OR2H1: variants seen among roughly 807,000 people sequenced by gnomAD.
OR2H1 encodes the protein olfactory receptor family 2 subfamily H member 1.
For missense variants in OR2H1, 380 were observed against 367.3 expected, an observed-to-expected ratio of 1.03 and a Z score of -0.28; for synonymous variants, 155 against 155.2, an observed-to-expected ratio of 1.00 and a Z score of 0.01.
rs1447134494 is a variant in OR2H1 at position 29,462,478 on chromosome 6, G to C, written c.709G>C (p.Gly237Arg). 3.1e-6 allele frequency: 5 copies of C among 1,613,058 alleles called. No individual in the cohort carries two copies. In the South Asian group the frequency reaches 5.5e-5, roughly 18 times the overall value. Reference protein sequence around the residue: ...NSATAWRKAFGTCSSHLTVVT... With the variant: ...NSATAWRKAFRTCSSHLTVVT... ...TGCCACAGCATGGAGAAAGGCCTTTGGGACCTGCTCCTCCCATCTCACTGT... is the reference window on the plus strand; with the variant it reads ...TGCCACAGCATGGAGAAAGGCCTTTCGGACCTGCTCCTCCCATCTCACTGT... Residue 237 changes from glycine (G) to arginine (R), a missense_variant, in exon 4 of 4, where the codon GGG (glycine) becomes CGG (arginine). Gly to Arg is a moderately radical substitution (Grantham distance 125). Coordinates refer to ENST00000377133, the MANE Select transcript of OR2H1 (RefSeq NM_030883.5).
At chr6:29,461,121 T>A (rs945395066) in intron 3 of OR2H1, 1 of 152,190 alleles carries the variant, frequency 6.6e-6, no homozygotes, top group African/African-American at 2.4e-5. Context: ...ATCATAATTT[T>A]TTTAATGGAG....
Position 29,457,951 on chromosome 6 carries a change from G to C in OR2H1, c.-442-503G>C, listed in dbSNP as rs190411728. Among the ~76,000 whole-genome samples, 1,427 of 152,288 alleles carry C rather than the reference G, an allele frequency of 9.4e-3. 12 individuals are homozygous for C. The highest frequency in any genetic ancestry group is 0.026 in the African/African-American group (1,066 of 41,558). On this transcript the variant is annotated intron_variant, in intron 1 of 3. Coordinates refer to ENST00000377133, the MANE Select transcript of OR2H1 (RefSeq NM_030883.5). ...AGCTGTGGCCAATTAGCTGTCTATA[G>C]GTTATGGGGCACCTAGTCTTGGCAG...
Position 29,461,605 on chromosome 6 carries a change from G to T in OR2H1, c.-165G>T. ...AAGGAACAGGGAACGAGAAGGAGCTGCTGGATGACGATAAGCCTGGGAAAG... is the reference window on the plus strand; with the variant it reads ...AAGGAACAGGGAACGAGAAGGAGCTTCTGGATGACGATAAGCCTGGGAAAG... On this transcript the variant is annotated 5_prime_UTR_variant, in exon 4 of 4. Coordinates refer to ENST00000377133, the MANE Select transcript of OR2H1 (RefSeq NM_030883.5). The T allele has an allele frequency of 1.6e-6, 1 of 609,466 alleles. No homozygotes were observed. The allele number at this position is 609,466 out of a possible 1,614,324, so 37.8% of individuals were successfully genotyped here. A position where few individuals can be genotyped will look rare whatever the true frequency, so the allele number is the denominator to read the frequency against.
In OR2H1 at chr6:29,462,819, G is replaced by T. The variant is rs1333225800; in HGVS notation, c.*99G>T. On this transcript the variant is annotated 3_prime_UTR_variant, in exon 4 of 4. Transcript: ENST00000377133. ...CACATACACCTGAGCCACTGTGGTG[G>T]GTCACAGTGTGGCTATGTTATCTAT... 3 of 811,894 alleles carry T rather than the reference G, an allele frequency of 3.7e-6. No homozygotes were observed. Among genetic ancestry groups the T allele is most frequent in the Non-Finnish European group, 2.0e-6 (1 of 512,188 alleles). 50.3% of individuals were successfully genotyped at this position (811,894 alleles called of 1,614,324 possible). A position where few individuals can be genotyped will look rare whatever the true frequency, so the allele number is the denominator to read the frequency against.
intron 3 of OR2H1, among the ~76,000 whole-genome samples, 178 bp downstream of exon 3, chr6:29,460,632 C>T (rs1409148353): frequency 2.0e-5 from 3 of 152,042 alleles, no homozygotes; most frequent in Non-Finnish European, 4.4e-5. Context: ...ATATATACAA[C>T]TCACTGTTCA....
intron 3 of OR2H1, 56 bp from the exon 4 acceptor site, chr6:29,461,439 A>T (rs1787232207): frequency 2.9e-6 from 1 of 345,616 alleles, no homozygotes; most frequent in South Asian, 7.6e-5. Context: ...TGTTGAATTA[A>T]TGAAGATCGG....
chr6:29,459,602 C>T (rs1400750861), intron 2 of OR2H1, among the ~76,000 whole-genome samples: 17 of 152,136 alleles, frequency 1.1e-4, no homozygotes, highest in Non-Finnish European at 2.9e-5. Context: ...TGTGCCATCC[C>T]ATAAAGTCCC....
At chr6:29,457,438 A>T (rs1786522088) in intron 1 of OR2H1, among the ~76,000 whole-genome samples, 1 of 152,226 alleles carries the variant, frequency 6.6e-6, no homozygotes, top group South Asian at 2.1e-4. Context: ...AACACACCAA[A>T]CACAAAGAGT....
In OR2H1 at chr6:29,461,590, G is replaced by A. The variant is rs551705160; in HGVS notation, c.-180G>A. The A allele has an allele frequency of 6.7e-4, 391 of 587,510 alleles. 1 individual carries two copies. Among genetic ancestry groups the A allele is most frequent in the Middle Eastern group, 1.7e-3 (4 of 2,342 alleles). 36.4% of individuals were successfully genotyped at this position (587,510 alleles called of 1,614,324 possible). ...ACAACGTTTGATCAGAAGGAACAGG[G>A]AACGAGAAGGAGCTGCTGGATGACG... On this transcript the variant is annotated 5_prime_UTR_variant, in exon 4 of 4. Coordinates refer to ENST00000377133, the MANE Select transcript of OR2H1 (RefSeq NM_030883.5).
At chr6:29,459,401 C>A (rs1256821228) in intron 2 of OR2H1, among the ~76,000 whole-genome samples, 1 of 152,056 alleles carries the variant, frequency 6.6e-6, no homozygotes, top group Non-Finnish European at 1.5e-5. Context: ...CCATAAAATC[C>A]ATAGATGTGT....
At chr6:29,459,303 G>A (rs1429770427) in intron 2 of OR2H1, among the ~76,000 whole-genome samples, 1 of 152,144 alleles carries the variant, frequency 6.6e-6, no homozygotes, top group Non-Finnish European at 1.5e-5. Flanking sequence ...GATCAGGGAG[G>A]AGAACACAGA....
intron 3 of OR2H1, chr6:29,460,917 C>G (rs1787175981): frequency 6.6e-6 from 1 of 152,116 alleles, no homozygotes; most frequent in East Asian, 1.9e-4. Context: ...TATCAACTCT[C>G]TATTTTGCTA....
chr6:29,462,269 G>T lies in OR2H1; in HGVS notation c.500G>T (p.Cys167Phe). Reference protein sequence around the residue: ...QTPSTLHLPFCPHQQIDDFLC... With the variant: ...QTPSTLHLPFFPHQQIDDFLC... ...CCATCCACCCTCCACTTGCCCTTCT[G>T]TCCCCACCAGCAGATAGATGACTTT... The change falls in exon 4 of 4, where the codon TGT becomes TTT. Residue 167 changes from cysteine (C) to phenylalanine (F), a missense_variant. Coordinates refer to ENST00000377133, the MANE Select transcript of OR2H1 (RefSeq NM_030883.5). The T allele has an allele frequency of 6.2e-7, 1 of 1,613,290 alleles. No homozygotes were observed.
In OR2H1 at chr6:29,462,473, C is replaced by T. The variant is rs933809149; in HGVS notation, c.704C>T (p.Ala235Val). 11 of 1,612,988 alleles carry T rather than the reference C, an allele frequency of 6.8e-6. No homozygotes were observed. The African/African-American group carries it at 1.5e-4, about 22-fold the overall frequency. Reference sequence around the variant, plus strand: ...AACTCTGCCACAGCATGGAGAAAGGCCTTTGGGACCTGCTCCTCCCATCTC... The same window carrying T: ...AACTCTGCCACAGCATGGAGAAAGGTCTTTGGGACCTGCTCCTCCCATCTC... ...RINSATAWRK[A>V]FGTCSSHLTV... Residue 235 changes from alanine (A) to valine (V), a missense_variant, in exon 4 of 4, where the codon GCC (alanine) becomes GTC (valine). Transcript: ENST00000377133.
At chr6:29,458,746 C>G (rs1786821835) in intron 2 of OR2H1, among the ~76,000 whole-genome samples, 177 bp downstream of exon 2, 1 of 152,154 alleles carries the variant, frequency 6.6e-6, no homozygotes, top group Non-Finnish European at 1.5e-5. Context: ...AACTGTCTAG[C>G]AGGGTTCTTT....
chr6:29,462,015 C>A lies in OR2H1; in HGVS notation c.246C>A (p.Asn82Lys), dbSNP rs772920232. ...TTSCVPQMLV[N>K]LWGPKKTISF... Reference sequence around the variant, plus strand: ...GTTGTGTCCCCCAGATGCTGGTCAACCTCTGGGGCCCAAAGAAGACCATCA... The same window carrying A: ...GTTGTGTCCCCCAGATGCTGGTCAAACTCTGGGGCCCAAAGAAGACCATCA... The change falls in exon 4 of 4, where the codon AAC (asparagine) becomes AAA (lysine). Residue 82 changes from asparagine (N) to lysine (K), a missense_variant. Transcript: ENST00000377133. The A allele has an allele frequency of 1.3e-5, 21 of 1,613,384 alleles. No homozygotes were observed. The highest frequency in any genetic ancestry group is 1.6e-4 in the Middle Eastern group (1 of 6,062).
At position 29,461,750 on chromosome 6, in the gene OR2H1, G is replaced by A. The variant is rs756175203; in HGVS notation, c.-20G>A. 3.8e-6 allele frequency: 6 copies of A among 1,592,840 alleles called. No homozygotes were observed. Among genetic ancestry groups the A allele is most frequent in the African/African-American group, 1.3e-5 (1 of 74,614 alleles). On this transcript the variant is annotated 5_prime_UTR_variant, in exon 4 of 4. Coordinates refer to ENST00000377133, the MANE Select transcript of OR2H1 (RefSeq NM_030883.5). The stretch of plus-strand genomic sequence containing the variant: ...CTGGGGTGACAGCCTCATCCCTCCA[G>A]GTACAAACAAGAACAGGCCATGGTT...
chr6:29,462,125 A>C lies in OR2H1; in HGVS notation c.356A>C (p.Asp119Ala). ...ECILLTVMAF[D>A]RYVAVCQPLH... Reference sequence around the variant, plus strand: ...ATCCTCCTGACAGTGATGGCCTTTGACCGATACGTGGCTGTCTGCCAGCCC... The same window carrying C: ...ATCCTCCTGACAGTGATGGCCTTTGCCCGATACGTGGCTGTCTGCCAGCCC... Residue 119 changes from aspartate to alanine, a missense_variant, in exon 4 of 4, where the codon GAC becomes GCC. Coordinates refer to ENST00000377133, the MANE Select transcript of OR2H1 (RefSeq NM_030883.5). The C allele has an allele frequency of 6.2e-7, 1 of 1,613,512 alleles. No homozygotes were observed. Among genetic ancestry groups the C allele is most frequent in the Non-Finnish European group, 8.5e-7 (1 of 1,179,994 alleles).
chr6:29,462,701 A>T lies in OR2H1; in HGVS notation c.932A>T (p.Glu311Val), dbSNP rs1036329029. The change falls in exon 4 of 4, where the codon GAA becomes GTA. Residue 311 changes from glutamate (E) to valine (V), a missense_variant. Transcript: ENST00000377133. ...CTAGGGAAGGAAAGAGACTCCAGGG[A>T]AAGCTGGAGAGCTGCTTAATATACT... The part of the protein sequence containing the change: ...RLLGKERDSR[E>V]SWRAA 7 of 1,610,218 alleles carry T rather than the reference A, an allele frequency of 4.3e-6. No individual in the cohort carries two copies. Among genetic ancestry groups the T allele is most frequent in the Non-Finnish European group, 5.9e-6 (7 of 1,177,922 alleles).
Sources: gnomAD v4.1 joint callset for allele counts (sites outside exome capture counted in the v4.1 genomes callset) on GRCh38, gnomAD v4.1.1 for gene constraint, MANE v1.5 for transcripts, NCBI Gene and HGNC (gene_info 2026-07-23, HGNC 2026-07-21) for gene names.